PCDH15: variants seen among roughly 807,000 people sequenced by gnomAD.
PCDH15 encodes protocadherin related 15.
A neutral mutation model predicts 178.5 loss-of-function variants in PCDH15; 129 were observed. That is an observed-to-expected ratio of 0.72 (90% confidence interval 0.63 to 0.84). The LOEUF (loss-of-function observed/expected upper bound fraction) is 0.84, where lower values mean the gene tolerates loss of function less well. Ranked by LOEUF, PCDH15 falls within the 40% of genes least tolerant of loss-of-function variation. PCDH15 has a pLI of 0.00. For synonymous variants in PCDH15, 800 were observed against 732.0 expected, an observed-to-expected ratio of 1.09 and a Z score of -1.50; for missense variants, 2,230 against 2,099.9, an observed-to-expected ratio of 1.06 and a Z score of -1.21.
chr10:55,538,480 CCCTTCCTTCCTCCTTT>C (rs1841647458), intron 2 of PCDH15, among the ~76,000 whole-genome samples: 1 of 97,970 alleles, frequency 1.0e-5, no homozygotes, highest in African/African-American at 4.0e-5. Context: ...CTCCCTTCCT[CCCTTCCTTCCTCCTTT>C]CCTTCCTTCC....
At chr10:55,011,605 A>G (rs754734794) in intron 2 of PCDH15, among the ~76,000 whole-genome samples, 21 of 152,128 alleles carry the variant, frequency 1.4e-4, no homozygotes, top group Non-Finnish European at 1.3e-4. Flanking sequence ...CAATTGAAAC[A>G]TAAGAATTAA....
intron 3 of PCDH15, among the ~76,000 whole-genome samples, chr10:54,491,709 C>A (rs1218910491): frequency 6.6e-6 from 1 of 152,134 alleles, no homozygotes; most frequent in African/African-American, 2.4e-5. Context: ...GTAGTAATTG[C>A]TTTTTACTAC....
At chr10:55,338,485 C>T (rs754064833) in intron 2 of PCDH15, among the ~76,000 whole-genome samples, 1 of 152,060 alleles carries the variant, frequency 6.6e-6, no homozygotes, top group Non-Finnish European at 1.5e-5. Flanking sequence ...TATTAAAATC[C>T]TGGCTGGGGA....
intron 2 of PCDH15, among the ~76,000 whole-genome samples, chr10:54,949,326 G>A (rs1190583557): frequency 1.3e-5 from 2 of 151,846 alleles, no homozygotes; most frequent in African/African-American, 4.8e-5. Flanking sequence ...GAAGAAGGAT[G>A]AACACAAGAG....
Position 54,278,960 on chromosome 10 carries a change from T to C in PCDH15, c.876+38311A>G, listed in dbSNP as rs570604292. On this transcript the variant is annotated intron_variant, in intron 8 of 37. Coordinates refer to ENST00000644397, the MANE Select transcript of PCDH15 (RefSeq NM_001384140.1). Reference sequence around the variant, plus strand: ...CTTACTTGTTGTTTCTAAAAAAGTATACATGATATTATACAATAAACATCT... The same window carrying C: ...CTTACTTGTTGTTTCTAAAAAAGTACACATGATATTATACAATAAACATCT... 9.2e-5 allele frequency among the ~76,000 whole-genome samples: 14 copies of C among 151,682 alleles called. No individual in the cohort carries two copies. In the East Asian group the frequency reaches 1.2e-3, roughly 13 times the overall value.
chr10:54,272,388 T>C (rs2058103696), intron 8 of PCDH15, among the ~76,000 whole-genome samples: 1 of 152,228 alleles, frequency 6.6e-6, no homozygotes, highest in Non-Finnish European at 1.5e-5. Context: ...TTTATGTTTA[T>C]ATGCAGCTAT....
intron 3 of PCDH15, among the ~76,000 whole-genome samples, chr10:54,853,356 TACAC>T (rs1174675463): frequency 1.6e-5 from 2 of 128,518 alleles, no homozygotes; most frequent in Non-Finnish European, 3.1e-5. Context: ...CATATATATA[TACAC>T]ACACACATAT....
chr10:54,208,347 G>A (rs1224676389), intron 10 of PCDH15, among the ~76,000 whole-genome samples: 1 of 152,004 alleles, frequency 6.6e-6, no homozygotes, highest in Non-Finnish European at 1.5e-5. Context: ...GAGGTGTGGT[G>A]TGCAATGGAC....
At chr10:54,026,259 G>A (rs893914287) in intron 18 of PCDH15, among the ~76,000 whole-genome samples, 29 of 151,900 alleles carry the variant, frequency 1.9e-4, no homozygotes, top group South Asian at 4.2e-4. Context: ...TATCAGAAAC[G>A]GGGTTTCCTC....
intron 2 of PCDH15, among the ~76,000 whole-genome samples, chr10:54,936,590 T>C (rs941091975): frequency 2.0e-5 from 3 of 151,970 alleles, no homozygotes; most frequent in Non-Finnish European, 4.4e-5. Context: ...AATGCAAAAA[T>C]ATATATTACT....
intron 1 of PCDH15, among the ~76,000 whole-genome samples, chr10:54,710,576 T>C (rs1566004691): frequency 6.6e-6 from 1 of 152,038 alleles, no homozygotes; most frequent in Non-Finnish European, 1.5e-5. Flanking sequence ...TTTCAGCCTG[T>C]GTCAAAAGGA....
chr10:54,641,327 T>C (rs2134965484), intron 2 of PCDH15, among the ~76,000 whole-genome samples: 1 of 152,234 alleles, frequency 6.6e-6, no homozygotes, highest in Non-Finnish European at 1.5e-5. Context: ...TTGATCACAA[T>C]CACCACTTAT....
chr10:53,809,680 TA>T lies in PCDH15; in HGVS notation c.4671+875del, dbSNP rs149590030. On this transcript the variant is annotated intron_variant, in intron 37 of 37. Coordinates refer to ENST00000644397, the MANE Select transcript of PCDH15 (RefSeq NM_001384140.1). Reference sequence around the variant, plus strand: ...ATGTTATATAACTGGCTTAAGAAAATAATCACAAAAATTTCTACTGCATATA... The same window carrying T: ...ATGTTATATAACTGGCTTAAGAAAATATCACAAAAATTTCTACTGCATATA... 140 of 856,176 alleles carry T rather than the reference TA, an allele frequency of 1.6e-4. No homozygotes were observed. In the African/African-American group the frequency reaches 2.0e-3, roughly 12 times the overall value. 53.0% of individuals were successfully genotyped at this position (856,176 alleles called of 1,614,324 possible). A position where few individuals can be genotyped will look rare whatever the true frequency, so the allele number is the denominator to read the frequency against.
chr10:54,153,425 T>C lies in PCDH15; in HGVS notation c.1591-132A>G. On this transcript the variant is annotated intron_variant, in intron 13 of 37. Coordinates refer to ENST00000644397, the MANE Select transcript of PCDH15 (RefSeq NM_001384140.1). ...GAAAGTTTCCTTGACATATATACTG[T>C]TTTTTGTTTTTTGTTTTTTTAACTG... The C allele has an allele frequency of 4.7e-6, 4 of 845,106 alleles. No individual in the cohort carries two copies. In the Admixed American group the frequency reaches 7.4e-5, roughly 16 times the overall value. The allele number at this position is 845,106 out of a possible 1,614,324, so 52.4% of individuals were successfully genotyped here. A position where few individuals can be genotyped will look rare whatever the true frequency, so the allele number is the denominator to read the frequency against.
Position 55,595,133 on chromosome 10 carries a change from G to C in PCDH15, c.-156+32492C>G, listed in dbSNP as rs190740442. On this transcript the variant is annotated intron_variant, in intron 2 of 5. Transcript: ENST00000613346. ...TGCTACGATAAGTTTCAGATTCTTT[G>C]AAATTTTATTCTAACCATCAATCAT... Among the ~76,000 whole-genome samples, 578 of 151,982 alleles carry C rather than the reference G, an allele frequency of 3.8e-3. 2 individuals carry two copies. The highest frequency in any genetic ancestry group is 6.2e-3 in the Non-Finnish European group (424 of 67,912).
chr10:54,980,358 CTT>C (rs558962063), intron 2 of PCDH15, among the ~76,000 whole-genome samples: 1 of 151,948 alleles, frequency 6.6e-6, no homozygotes, highest in African/African-American at 2.4e-5. Flanking sequence ...AGTAAATACT[CTT>C]TTTTTAATTA....
At chr10:54,474,853 G>GTACTC (rs2078166262) in intron 3 of PCDH15, among the ~76,000 whole-genome samples, 1 of 151,812 alleles carries the variant, frequency 6.6e-6, no homozygotes, top group Non-Finnish European at 1.5e-5. Flanking sequence ...TTTGAACAGA[G>GTACTC]TGAAAATTAA....
At chr10:55,233,865 A>G (rs1483717162) in intron 1 of PCDH15, among the ~76,000 whole-genome samples, 1 of 152,150 alleles carries the variant, frequency 6.6e-6, no homozygotes, top group East Asian at 1.9e-4. Flanking sequence ...AAGATAATGT[A>G]TACTGTTATC....
At chr10:54,175,085 T>C (rs560614378) in intron 13 of PCDH15, among the ~76,000 whole-genome samples, 2 of 152,348 alleles carry the variant, frequency 1.3e-5, no homozygotes, top group African/African-American at 4.8e-5. Flanking sequence ...CACATTTTTG[T>C]AAGCTTTGCT....
Sources: gnomAD v4.1 joint callset for allele counts (sites outside exome capture counted in the v4.1 genomes callset) on GRCh38, gnomAD v4.1.1 for gene constraint, MANE v1.5 for transcripts, NCBI Gene and HGNC (gene_info 2026-07-23, HGNC 2026-07-21) for gene names.